The following ABCB11 variants were observed in gnomAD, a reference collection of about 807,000 sequenced individuals.
The protein encoded by ABCB11 is ATP binding cassette subfamily B member 11.
A neutral mutation model predicts 148.0 loss-of-function variants in ABCB11; 95 were observed. That is an observed-to-expected ratio of 0.64 (90% CI 0.54 to 0.76). The LOEUF (loss-of-function observed/expected upper bound fraction) is 0.76, where lower values mean the gene tolerates loss of function less well. Ranked by LOEUF, ABCB11 falls within the 30% of genes least tolerant of loss-of-function variation. The probability of loss-of-function intolerance (pLI) is 0.00; values close to 1 mark genes in which losing one functional copy is unlikely to be tolerated. For synonymous variants in ABCB11, 591 were observed against 555.4 expected (o/e 1.06, Z -0.90); for missense variants, 1,523 against 1,617.8 (o/e 0.94, Z 1.01).
intron 24 of ABCB11, among the ~76,000 whole-genome samples, chr2:168,931,474 T>C (rs113100477): frequency 0.013 from 1,965 of 152,346 alleles, 16 homozygotes; most frequent in Non-Finnish European, 0.02. Context: ...CTTTGCTTTC[T>C]GGAACATACT....
intron 11 of ABCB11, 26 bp from the exon 12 acceptor site, chr2:168,976,713 A>T: frequency 4.9e-6 from 7 of 1,427,968 alleles, no homozygotes; most frequent in Non-Finnish European, 6.9e-6. Context: ...AAAGGGACAC[A>T]GTGTAAACTC....
At position 168,934,579 on chromosome 2, in the gene ABCB11, T is replaced by G. The variant is rs73016682; in HGVS notation, c.3056+605A>C. On this transcript the variant is annotated intron_variant, in intron 23 of 27. Transcript: ENST00000650372. ...GCTGTCTCTGCCTAGGAGGAGTCAG[T>G]TGGGAGGAGTCAGCCCTCTTTGCAA... Among the ~76,000 whole-genome samples, 494 of 152,250 alleles carry G rather than the reference T, an allele frequency of 3.2e-3. 5 individuals carry two copies. The highest frequency in any genetic ancestry group is 0.011 in the African/African-American group (474 of 41,536).
At chr2:168,952,118 G>A (rs1450744464) in intron 19 of ABCB11, among the ~76,000 whole-genome samples, 1 of 151,520 alleles carries the variant, frequency 6.6e-6, no homozygotes, top group Non-Finnish European at 1.5e-5. Context: ...TTTTTGATGT[G>A]CTCTTGGATT....
At chr2:169,003,113 A>G (rs1309759261) in intron 5 of ABCB11, among the ~76,000 whole-genome samples, 1 of 151,654 alleles carries the variant, frequency 6.6e-6, no homozygotes, top group African/African-American at 2.4e-5. Flanking sequence ...CTCACCACCC[A>G]CCCTTTCCTC....
At chr2:168,997,337 T>C (rs1412390428) in intron 5 of ABCB11, among the ~76,000 whole-genome samples, 1 of 152,054 alleles carries the variant, frequency 6.6e-6, no homozygotes, top group Non-Finnish European at 1.5e-5. Flanking sequence ...GACTACAGCC[T>C]AAGTTCATTC....
Position 168,927,148 on chromosome 2 carries a change from G to T in ABCB11, c.3618+8C>A. The T allele has an allele frequency of 6.2e-7, 1 of 1,611,398 alleles. No homozygotes were observed. Among genetic ancestry groups the T allele is most frequent in the Non-Finnish European group, 8.5e-7 (1 of 1,177,758 alleles). On this transcript the variant is annotated splice_region_variant and intron_variant, in intron 26 of 27. Transcript: ENST00000650372. ...TCTCATAGGGAATGGCTCTGACTTCGTACTCACCTCTGGGAGTGACATGAC... is the reference window on the plus strand; with the variant it reads ...TCTCATAGGGAATGGCTCTGACTTCTTACTCACCTCTGGGAGTGACATGAC...
chr2:168,948,863 G>A (rs959619790), intron 19 of ABCB11, among the ~76,000 whole-genome samples: 2 of 151,636 alleles, frequency 1.3e-5, no homozygotes, highest in Non-Finnish European at 3.0e-5. Context: ...CTCCTTACAC[G>A]ATGGACTTGA....
At chr2:168,963,929 CTG>C (rs1173719239) in intron 18 of ABCB11, among the ~76,000 whole-genome samples, 3 of 151,846 alleles carry the variant, frequency 2.0e-5, no homozygotes, top group African/African-American at 4.8e-5. Context: ...TTCACACATT[CTG>C]TGTTTGTTAG....
chr2:169,000,820 T>A (rs1694848425), intron 5 of ABCB11, among the ~76,000 whole-genome samples: 1 of 152,188 alleles, frequency 6.6e-6, no homozygotes. Context: ...AAATCTTGCT[T>A]ATATTTTGAT....
At chr2:169,013,655 T>C (rs1411500426) in intron 4 of ABCB11, 145 bp from the exon 5 acceptor site, 1 of 607,914 alleles carries the variant, frequency 1.6e-6, no homozygotes, top group Non-Finnish European at 2.9e-6. Context: ...GCAGAGTTCG[T>C]ATACTAATTA....
intron 21 of ABCB11, among the ~76,000 whole-genome samples, chr2:168,941,792 C>A (rs1692072110): frequency 6.6e-6 from 1 of 152,034 alleles, no homozygotes; most frequent in African/African-American, 2.4e-5. Flanking sequence ...GTCTAACCTT[C>A]AGCAACCACC....
intron 4 of ABCB11, 91 bp downstream of exon 4, chr2:169,014,212 G>A: frequency 7.7e-7 from 1 of 1,297,470 alleles, no homozygotes; most frequent in Non-Finnish European, 1.1e-6. Flanking sequence ...TTAAAAACCT[G>A]CCAATATGAC....
In ABCB11 at chr2:168,979,722, G is replaced by A. The variant is rs1177162964; in HGVS notation, c.1197+144C>T. The A allele has an allele frequency of 8.8e-6, 3 of 340,604 alleles. 1 individual carries two copies. In the Admixed American group the frequency reaches 1.4e-4, roughly 16 times the overall value. The allele number at this position is 340,604 out of a possible 1,614,324, so 21.1% of individuals were successfully genotyped here. ...AAAGAATTGGCACCAGCACATGATAGCATTTAATAAGTGTTGCTGAATTAA... is the reference window on the plus strand; with the variant it reads ...AAAGAATTGGCACCAGCACATGATAACATTTAATAAGTGTTGCTGAATTAA... On this transcript the variant is annotated intron_variant, in intron 11 of 27. Transcript: ENST00000650372.
At chr2:169,007,030 T>A (rs879659213) in intron 5 of ABCB11, among the ~76,000 whole-genome samples, 25 of 152,150 alleles carry the variant, frequency 1.6e-4, no homozygotes, top group Non-Finnish European at 2.9e-4. Context: ...AGTTAAACAA[T>A]TTATATGAAA....
chr2:168,956,208 C>T (rs1202104566), intron 19 of ABCB11, among the ~76,000 whole-genome samples: 1 of 151,600 alleles, frequency 6.6e-6, no homozygotes, highest in Non-Finnish European at 1.5e-5. Context: ...AACTCACTCA[C>T]TATCACAAGA....
At position 169,014,314 on chromosome 2, in the gene ABCB11, AGCCAACTCTAAC is replaced by A. The variant is rs752521647; in HGVS notation, c.127_138del (p.Val43_Gly46del). The A allele has an allele frequency of 2.5e-6, 4 of 1,613,360 alleles. No individual in the cohort carries two copies. The highest frequency in any genetic ancestry group is 8.5e-7 in the Non-Finnish European group (1 of 1,179,550). ...CACAGTTTTATTACCAATTGAAAGA[AGCCAACTCTAAC>A]GCCATCACCTTTCTTCTCATCTTGT... On this transcript the variant is annotated inframe_deletion, in exon 4 of 28. Coordinates refer to ENST00000650372, the MANE Select transcript of ABCB11 (RefSeq NM_003742.4).
At chr2:168,934,289 A>G (rs1237541334) in intron 23 of ABCB11, among the ~76,000 whole-genome samples, 1 of 152,094 alleles carries the variant, frequency 6.6e-6, no homozygotes, top group Non-Finnish European at 1.5e-5. Context: ...ATACCAGGTG[A>G]GAAGGCGGGA....
Position 168,958,116 on chromosome 2 carries a change from G to A in ABCB11, c.2191C>T (p.Pro731Ser), listed in dbSNP as rs201240844. Residue 731 changes from proline (P) to serine (S), a missense_variant, in exon 19 of 28, where the codon CCT becomes TCT. By Grantham distance (74) the Pro-to-Ser change is moderately conservative. Coordinates refer to ENST00000650372, the MANE Select transcript of ABCB11 (RefSeq NM_003742.4). ...GCAGGTTCAACTTCTTCCTGCACAG[G>A]AATGTCCTTGTCCTTGAGCAGAGAG... The part of the protein sequence containing the change: ...YEEDRKDKDI[P>S]VQEEVEPAPV... 504 of 1,610,852 alleles carry A rather than the reference G, an allele frequency of 3.1e-4. No homozygotes were observed. Among genetic ancestry groups the A allele is most frequent in the Non-Finnish European group, 3.4e-4 (400 of 1,177,956 alleles).
intron 5 of ABCB11, among the ~76,000 whole-genome samples, chr2:168,997,769 C>G (rs370391249): frequency 5.9e-5 from 9 of 151,964 alleles, no homozygotes; most frequent in African/African-American, 1.9e-4. Flanking sequence ...ACAGAATAAA[C>G]TGCACTATTA....
Sources: gnomAD v4.1 joint callset for allele counts (sites outside exome capture counted in the v4.1 genomes callset) on GRCh38, gnomAD v4.1.1 for gene constraint, MANE v1.5 for transcripts, NCBI Gene and HGNC (gene_info 2026-07-23, HGNC 2026-07-21) for gene names.